ATG4D: variants seen among roughly 807,000 people sequenced by gnomAD.
ATG4D encodes cysteine protease ATG4D.
A neutral mutation model predicts 55.2 loss-of-function variants in ATG4D; 51 were observed. That is an observed-to-expected ratio of 0.92 (90% CI 0.74 to 1.17). The LOEUF (loss-of-function observed/expected upper bound fraction) is 1.17, where lower values mean the gene tolerates loss of function less well. ATG4D is among the 50% of genes most tolerant of loss of function. The pLI, the probability that ATG4D is intolerant of heterozygous loss-of-function variation, is 0.00. For synonymous variants in ATG4D, 268 were observed against 266.2 expected (o/e 1.01, Z -0.07); for missense variants, 635 against 649.6 (o/e 0.98, Z 0.25).
chr19:10,546,110 TA>T (rs1156715073), intron 3 of ATG4D, among the ~76,000 whole-genome samples: 1 of 151,828 alleles, frequency 6.6e-6, no homozygotes, highest in East Asian at 1.9e-4. Flanking sequence ...CGCTTGAGCA[TA>T]GGCATTCGAC....
intron 2 of ATG4D, 42 bp downstream of exon 2, chr19:10,544,908 A>G: frequency 6.3e-7 from 1 of 1,589,254 alleles, no homozygotes; most frequent in Admixed American, 1.7e-5. Flanking sequence ...AGGCCTCTCC[A>G]CGCCCGCCGG....
Position 10,553,260 on chromosome 19 carries a change from G to T in ATG4D, c.*193G>T, listed in dbSNP as rs531141762. 7.1e-6 allele frequency: 5 copies of T among 702,708 alleles called. No individual in the cohort carries two copies. Among genetic ancestry groups the T allele is most frequent in the Non-Finnish European group, 1.1e-5 (5 of 454,576 alleles). 43.5% of individuals were successfully genotyped at this position (702,708 alleles called of 1,614,324 possible). A position where few individuals can be genotyped will look rare whatever the true frequency, so the allele number is the denominator to read the frequency against. ...GCCCATACACCTGTCTCCCACCAGC[G>T]GGGCCCTCCTGGCAGGGTAGGGAAG... On this transcript the variant is annotated 3_prime_UTR_variant, in exon 10 of 10. Transcript: ENST00000309469.
chr19:10,548,381 C>A (rs1360200741), intron 5 of ATG4D, among the ~76,000 whole-genome samples: 1 of 151,934 alleles, frequency 6.6e-6, no homozygotes, highest in East Asian at 1.9e-4. Context: ...GGAAAAGATT[C>A]GATTTTCAGA....
At chr19:10,551,460 C>T (rs1054476061) in intron 6 of ATG4D, among the ~76,000 whole-genome samples, 7 of 151,416 alleles carry the variant, frequency 4.6e-5, no homozygotes, top group East Asian at 1.9e-4. Flanking sequence ...TTTAGGAGGC[C>T]GAGACGGGCA....
chr19:10,552,356 G>T, intron 9 of ATG4D, 32 bp downstream of exon 9: 1 of 1,593,910 alleles, frequency 6.3e-7, no homozygotes, highest in Non-Finnish European at 8.5e-7. Flanking sequence ...GTGGGGTGAG[G>T]GGGGCGGTTG....
intron 6 of ATG4D, among the ~76,000 whole-genome samples, chr19:10,549,574 C>T (rs35041134): frequency 0.18 from 26,927 of 152,090 alleles, 3,055 homozygotes; most frequent in Non-Finnish European, 0.25. Context: ...TGTGCCACCA[C>T]GCCCGGCTAA....
intron 9 of ATG4D, among the ~76,000 whole-genome samples, 198 bp downstream of exon 9, chr19:10,552,522 G>A (rs1330615506): frequency 6.6e-6 from 1 of 152,188 alleles, no homozygotes; most frequent in Non-Finnish European, 1.5e-5. Context: ...TCATCCCTTG[G>A]AGGCAGCTGT....
Position 10,549,042 on chromosome 19 carries a change from C to T in ATG4D, c.966+8C>T. On this transcript the variant is annotated splice_region_variant and intron_variant, in intron 6 of 9. Transcript: ENST00000309469. ...TATGTGCCCTGCGTGAAGGTAGGTT[C>T]AGCTGAATTCTAGGACACCTCCACC... 6.2e-7 allele frequency: 1 copy of T among 1,613,998 alleles called. No homozygotes were observed. The highest frequency in any genetic ancestry group is 1.1e-5 in the South Asian group (1 of 91,072).
At chr19:10,550,826 C>T (rs1490954796) in intron 6 of ATG4D, among the ~76,000 whole-genome samples, 2 of 151,652 alleles carry the variant, frequency 1.3e-5, no homozygotes, top group Non-Finnish European at 1.5e-5. Flanking sequence ...ATTCTCCTGC[C>T]TCAGCCTCCC....
chr19:10,544,469 C>A (rs1915967165), intron 1 of ATG4D, 144 bp downstream of exon 1: 2 of 900,392 alleles, frequency 2.2e-6, no homozygotes, highest in Non-Finnish European at 3.1e-6. Context: ...GGACCTGTGG[C>A]AGGTCCAATA....
At position 10,552,341 on chromosome 19, in the gene ATG4D, C is replaced by T. The variant is rs1488843160; in HGVS notation, c.1242+17C>T. On this transcript the variant is annotated intron_variant, in intron 9 of 9. Transcript: ENST00000309469. ...CTGACCAGGGTGAGCAAGAGGAAAGCTGGAGTGGGGTGAGGGGGGCGGTTG... is the reference window on the plus strand; with the variant it reads ...CTGACCAGGGTGAGCAAGAGGAAAGTTGGAGTGGGGTGAGGGGGGCGGTTG... The T allele has an allele frequency of 6.2e-7, 1 of 1,605,324 alleles. No homozygotes were observed. Among genetic ancestry groups the T allele is most frequent in the African/African-American group, 1.3e-5 (1 of 74,750 alleles).
Position 10,549,030 on chromosome 19 carries a change from TG to T in ATG4D, c.963del (p.Lys322ArgfsTer91). On this transcript the variant is annotated frameshift_variant, in exon 6 of 10. Coordinates refer to ENST00000309469, the MANE Select transcript of ATG4D (RefSeq NM_032885.6). LOFTEE classifies it high-confidence loss of function. The stretch of plus-strand genomic sequence containing the variant: ...CTCAACCCCGTGTATGTGCCCTGCG[TG>T]AAGGTAGGTTCAGCTGAATTCTAGG... ...ETLNPVYVPC[V>X]KELLRCELCL... The T allele has an allele frequency of 6.2e-7, 1 of 1,614,070 alleles. No individual in the cohort carries two copies. Among genetic ancestry groups the T allele is most frequent in the Non-Finnish European group, 8.5e-7 (1 of 1,180,010 alleles).
intron 6 of ATG4D, among the ~76,000 whole-genome samples, chr19:10,550,694 AG>A (rs1292304737): frequency 6.9e-6 from 1 of 145,626 alleles, no homozygotes; most frequent in Non-Finnish European, 1.5e-5. Context: ...CTCTTTCAGC[AG>A]TGATGCATGT....
intron 3 of ATG4D, 36 bp from the exon 4 acceptor site, chr19:10,546,803 A>G (rs958999604): frequency 6.5e-7 from 1 of 1,538,242 alleles, no homozygotes; most frequent in East Asian, 2.3e-5. Context: ...CCCCCCACAC[A>G]CTAGCACTGT....
chr19:10,543,939 C>T lies in ATG4D; in HGVS notation c.-152C>T, dbSNP rs913325352. 1.1e-5 allele frequency: 5 copies of T among 441,280 alleles called. No homozygotes were observed. 27.3% of individuals were successfully genotyped at this position (441,280 alleles called of 1,614,324 possible). A position where few individuals can be genotyped will look rare whatever the true frequency, so the allele number is the denominator to read the frequency against. ...GCTAAGATGGCGATGGCTGCGGTAG[C>T]AGCGGCGGCGGCTGTTGCCTGGCCC... On this transcript the variant is annotated 5_prime_UTR_variant, in exon 1 of 10. Transcript: ENST00000309469.
intron 6 of ATG4D, 95 bp downstream of exon 6, chr19:10,549,129 T>TC: frequency 4.1e-5 from 25 of 609,972 alleles, no homozygotes; most frequent in Non-Finnish European, 4.9e-5. Context: ...CCCTCATCAC[T>TC]TTTTTTTTTT....
chr19:10,544,763 C>CT lies in ATG4D; in HGVS notation c.236-19dup. 1 of 1,613,524 alleles carries CT rather than the reference C, an allele frequency of 6.2e-7. No individual in the cohort carries two copies. On this transcript the variant is annotated intron_variant, in intron 1 of 9. Coordinates refer to ENST00000309469, the MANE Select transcript of ATG4D (RefSeq NM_032885.6). ...TGCAAGTGCTTCATCTCGCTGGGCG[C>CT]TGCCCCTACGTCTCCCCAGGTTGGG...
rs747044151 is a variant in ATG4D, at chr19:10,546,869, G to C, written c.524G>C (p.Gly175Ala). The C allele has an allele frequency of 1.9e-6, 3 of 1,602,972 alleles. No individual in the cohort carries two copies. The highest frequency in any genetic ancestry group is 1.3e-5 in the African/African-American group (1 of 74,858). Residue 175 changes from glycine to alanine, a missense_variant, in exon 4 of 10, where the codon GGC becomes GCC. Physicochemically the swap from Gly to Ala is moderately conservative, Grantham distance 60. Coordinates refer to ENST00000309469, the MANE Select transcript of ATG4D (RefSeq NM_032885.6). ...ACATGGGCCGAGGGCATGGGCCTGG[G>C]CCCCCCTGAGCTGTCAGGGTCAGCC... Reference protein sequence around the residue: ...DWTWAEGMGLGPPELSGSASP... With the variant: ...DWTWAEGMGLAPPELSGSASP...
Position 10,552,247 on chromosome 19 carries a change from A to G in ATG4D, c.1165A>G (p.Met389Val), listed in dbSNP as rs748970122. 2 of 1,613,628 alleles carry G rather than the reference A, an allele frequency of 1.2e-6. No homozygotes were observed. Among genetic ancestry groups the G allele is most frequent in the South Asian group, 1.1e-5 (1 of 91,084 alleles). Residue 389 changes from methionine (M) to valine (V), a missense_variant, in exon 9 of 10, where the codon ATG becomes GTG. By Grantham distance (21) the Met-to-Val change is conservative. Transcript: ENST00000309469. ...TSPRKMAFAK[M>V]DPSCTVGFYA... ...GCCCCGCAAGATGGCCTTTGCCAAG[A>G]TGGACCCAAGCTGTACCGTGGGCTT...
Sources: allele counts gnomAD v4.1 joint callset (sites outside exome capture counted in the v4.1 genomes callset), GRCh38; gene constraint gnomAD v4.1.1; transcripts MANE v1.5; gene names NCBI Gene and HGNC (gene_info 2026-07-23, HGNC 2026-07-21).